The following OXR1 variants were observed in gnomAD, a reference collection of about 807,000 sequenced individuals.
OXR1 encodes the protein oxidation resistance 1, also known as oxidation resistance protein 1.
A neutral mutation model predicts 104.6 loss-of-function variants in OXR1; 41 were observed. That is an observed-to-expected ratio of 0.39 (90% CI 0.31 to 0.51). OXR1 has a LOEUF of 0.51. Among genes scored for constraint, OXR1 ranks in the 20% least tolerant of loss-of-function variants. OXR1 has a pLI of 0.77. For missense variants in OXR1, 955 were observed against 1,031.9 expected (o/e 0.93, Z 1.02); for synonymous variants, 348 against 348.4 (o/e 1.00, Z 0.01).
chr8:106,279,039 C>A (rs1334980345), intron 1 of OXR1, among the ~76,000 whole-genome samples: 1 of 152,052 alleles, frequency 6.6e-6, no homozygotes, highest in African/African-American at 2.4e-5. Context: ...CTTTCATTTT[C>A]TGTTATATCT....
At chr8:106,366,582 T>A (rs1375419004) in intron 2 of OXR1, among the ~76,000 whole-genome samples, 1 of 152,132 alleles carries the variant, frequency 6.6e-6, no homozygotes, top group Non-Finnish European at 1.5e-5. Flanking sequence ...GTAAAAAAAA[T>A]AAAGAGAAAG....
chr8:106,334,661 C>A (rs1814880497), intron 1 of OXR1, among the ~76,000 whole-genome samples: 1 of 152,202 alleles, frequency 6.6e-6, no homozygotes, highest in Non-Finnish European at 1.5e-5. Context: ...AATAACTCAT[C>A]AACTCATCTA....
At chr8:106,457,101 A>G (rs1239860145) in intron 2 of OXR1, among the ~76,000 whole-genome samples, 5 of 152,118 alleles carry the variant, frequency 3.3e-5, no homozygotes, top group Non-Finnish European at 7.4e-5. Flanking sequence ...AATACCTCCA[A>G]TGTGCCAGTC....
At chr8:106,433,525 T>C (rs942307641) in intron 2 of OXR1, among the ~76,000 whole-genome samples, 1 of 152,152 alleles carries the variant, frequency 6.6e-6, no homozygotes, top group Non-Finnish European at 1.5e-5. Context: ...AAAAGGGCTG[T>C]TATCAATTTT....
rs369555540 is a variant in OXR1, at chr8:106,713,944, A to G, written c.1915A>G (p.Ile639Val). ...AAAAAAGATTGAGGAGTCTGAAACA[A>G]TTGAGGATTCTAGTAATCAAGCAGC... is the stretch of plus-strand genomic sequence containing the variant. ...VVKKIEESET[I>V]EDSSNQAAAR... Residue 639 changes from isoleucine to valine, a missense_variant, in exon 11 of 17, where the codon ATT becomes GTT. Around this residue, in one of 2 missense-constraint regions of OXR1, gnomAD observed 849 missense variants for 852.9 expected, o/e 1.00. Transcript: ENST00000517566. The G allele has an allele frequency of 4.4e-6, 7 of 1,589,124 alleles. No individual in the cohort carries two copies. The highest frequency in any genetic ancestry group is 6.0e-6 in the Non-Finnish European group (7 of 1,172,768).
intron 2 of OXR1, among the ~76,000 whole-genome samples, chr8:106,400,052 A>G (rs1817938987): frequency 1.3e-5 from 2 of 151,980 alleles, no homozygotes; most frequent in African/African-American, 4.8e-5. Flanking sequence ...TCATTTTTTC[A>G]CAGAAATTAT....
intron 3 of OXR1, among the ~76,000 whole-genome samples, chr8:106,667,744 G>A (rs1213090959): frequency 6.6e-6 from 1 of 151,904 alleles, no homozygotes; most frequent in Non-Finnish European, 1.5e-5. Flanking sequence ...GTCATATGTT[G>A]CAAATACTGA....
At chr8:106,360,507 CA>C (rs1206115194) in intron 2 of OXR1, among the ~76,000 whole-genome samples, 3 of 151,922 alleles carry the variant, frequency 2.0e-5, no homozygotes, top group African/African-American at 7.3e-5. Flanking sequence ...GTGAAGTCAG[CA>C]ATTTTTTTAG....
chr8:106,660,967 A>G (rs1188855700), intron 3 of OXR1, among the ~76,000 whole-genome samples: 1 of 152,028 alleles, frequency 6.6e-6, no homozygotes, highest in African/African-American at 2.4e-5. Flanking sequence ...AGATCGCCCT[A>G]CTGCACTCCA....
chr8:106,548,211 G>A (rs1815522448), intron 3 of OXR1, among the ~76,000 whole-genome samples: 1 of 152,046 alleles, frequency 6.6e-6, no homozygotes, highest in Admixed American at 6.6e-5. Flanking sequence ...TTTATACCTA[G>A]AATGTATCTC....
At chr8:106,691,144 T>A (rs1275287424) in intron 6 of OXR1, among the ~76,000 whole-genome samples, 1 of 152,048 alleles carries the variant, frequency 6.6e-6, no homozygotes, top group Non-Finnish European at 1.5e-5. Context: ...GCTTTGCTTT[T>A]TTACATTTGA....
intron 6 of OXR1, 147 bp from the exon 7 acceptor site, chr8:106,692,581 G>A (rs570407733): frequency 1.1e-4 from 50 of 458,132 alleles, no homozygotes; most frequent in Middle Eastern, 5.5e-4. Context: ...TAATTTGTAC[G>A]TAAAAATATT....
At chr8:106,272,993 G>A (rs143124371) in intron 1 of OXR1, 1 of 152,230 alleles carries the variant, frequency 6.6e-6, no homozygotes, top group African/African-American at 2.4e-5. Context: ...TTAGGTCCGG[G>A]TAGATCTTTT....
At chr8:106,724,791 A>G (rs1833169014) in intron 11 of OXR1, among the ~76,000 whole-genome samples, 1 of 152,158 alleles carries the variant, frequency 6.6e-6, no homozygotes, top group Non-Finnish European at 1.5e-5. Context: ...CCACTTCAGG[A>G]AGGAGTTGTA....
intron 2 of OXR1, among the ~76,000 whole-genome samples, chr8:106,380,748 G>A (rs1414928156): frequency 6.6e-6 from 1 of 151,926 alleles, no homozygotes; most frequent in Admixed American, 6.6e-5. Flanking sequence ...TATGCTTATC[G>A]GCAATTTTTT....
intron 3 of OXR1, among the ~76,000 whole-genome samples, chr8:106,677,121 G>T (rs1342051985): frequency 6.6e-6 from 1 of 151,920 alleles, no homozygotes. Flanking sequence ...TTAAGGAAGG[G>T]TATATTATTA....
At chr8:106,275,520 T>G (rs1316017160) in intron 1 of OXR1, among the ~76,000 whole-genome samples, 1 of 152,212 alleles carries the variant, frequency 6.6e-6, no homozygotes, top group African/African-American at 2.4e-5. Flanking sequence ...GTCACTATTT[T>G]GGGGGGATTA....
intron 8 of OXR1, among the ~76,000 whole-genome samples, chr8:106,705,473 A>G (rs1174720457): frequency 2.0e-5 from 3 of 152,166 alleles, no homozygotes; most frequent in Non-Finnish European, 1.5e-5. Context: ...AGAGATAGCC[A>G]ATTATTTTTG....
rs571069966 is a variant in OXR1 at position 106,447,975 on chromosome 8, G to A, written c.24-70968G>A. The A allele has an allele frequency of 2.0e-6, 3 of 1,534,974 alleles. No homozygotes were observed. The South Asian group carries it at 3.6e-5, about 18-fold the overall frequency. ...AGGTAACAGAACTCTGATCAGATCC[G>A]CCCCGGCTCCCACACAGCTATAAGG... is the stretch of plus-strand genomic sequence containing the variant. On this transcript the variant is annotated intron_variant, in intron 2 of 16. Coordinates refer to ENST00000517566, the MANE Select transcript of OXR1 (RefSeq NM_001198533.2).
Sources: gnomAD v4.1 joint callset for allele counts (sites outside exome capture counted in the v4.1 genomes callset) on GRCh38, gnomAD v4.1.1 for gene constraint, gnomAD v4.1.1 regional missense constraint, MANE v1.5 for transcripts, NCBI Gene and HGNC (gene_info 2026-07-23, HGNC 2026-07-21) for gene names.